ATL2: variants seen among roughly 807,000 people sequenced by gnomAD.
ATL2 encodes atlastin GTPase 2, also known as atlastin-2.
Under a neutral mutation model 73.9 loss-of-function variants are expected in ATL2, and 31 were observed. The observed-to-expected ratio is 0.42, with a 90% CI of 0.32 to 0.57. ATL2 has a LOEUF of 0.57. Among genes scored for constraint, ATL2 ranks in the 20% least tolerant of loss-of-function variants. ATL2 has a pLI of 0.14. For missense variants in ATL2, 738 were observed against 702.6 expected, an observed-to-expected ratio of 1.05 and a Z score of -0.57; for synonymous variants, 291 against 237.5, an observed-to-expected ratio of 1.23 and a Z score of -2.07.
In ATL2 at chr2:38,296,092, T is replaced by C. The variant is rs763055120; in HGVS notation, c.1654A>G (p.Asn552Asp). Residue 552 changes from asparagine to aspartate, a missense_variant, in exon 13 of 13, where the codon AAT becomes GAT. Transcript: ENST00000378954. ...WEQVLKPLGD[N>D]LMEENIRQSV... Reference sequence around the variant, plus strand: ...TGCCTTATGTTTTCCTCCATCAAATTATCACCCAGGGGCTTCAATACCTGT... The same window carrying C: ...TGCCTTATGTTTTCCTCCATCAAATCATCACCCAGGGGCTTCAATACCTGT... 7 of 1,551,344 alleles carry C rather than the reference T, an allele frequency of 4.5e-6. No homozygotes were observed. Among genetic ancestry groups the C allele is most frequent in the Non-Finnish European group, 4.4e-6 (5 of 1,146,752 alleles).
At chr2:38,365,479 A>AC (rs1472522324) in intron 1 of ATL2, among the ~76,000 whole-genome samples, 2 of 152,048 alleles carry the variant, frequency 1.3e-5, no homozygotes, top group Non-Finnish European at 2.9e-5. Context: ...ACATGGTGAA[A>AC]CCCTGTCTCT....
chr2:38,306,473 C>T (rs1466389347), intron 9 of ATL2, among the ~76,000 whole-genome samples: 1 of 152,242 alleles, frequency 6.6e-6, no homozygotes, highest in Admixed American at 6.5e-5. Context: ...AACACTGTTG[C>T]AAAAATCCTC....
chr2:38,359,424 G>A (rs1482820102), intron 1 of ATL2: 1 of 142,878 alleles, frequency 7.0e-6, no homozygotes, highest in Non-Finnish European at 1.5e-5. Flanking sequence ...GTTGCAGTGA[G>A]ACAAGATCCC....
At chr2:38,301,982 T>G (rs924803374) in intron 9 of ATL2, among the ~76,000 whole-genome samples, 1 of 152,284 alleles carries the variant, frequency 6.6e-6, no homozygotes, top group Non-Finnish European at 1.5e-5. Context: ...GTCTTGCAAT[T>G]TGGATACCAG....
At chr2:38,376,276 ATACACTG>A (rs1671960006) in intron 1 of ATL2, 2 of 1,369,196 alleles carry the variant, frequency 1.5e-6, no homozygotes, top group African/African-American at 2.9e-5. Context: ...AGTGAGAGGG[ATACACTG>A]CGCTGCCAAC....
At chr2:38,355,531 G>C (rs1273497893) in intron 1 of ATL2, among the ~76,000 whole-genome samples, 1 of 152,096 alleles carries the variant, frequency 6.6e-6, no homozygotes, top group East Asian at 1.9e-4. Flanking sequence ...GAAAGCTAAA[G>C]TAGCTACATA....
At chr2:38,372,503 G>A (rs1422772230) in intron 1 of ATL2, among the ~76,000 whole-genome samples, 1 of 152,076 alleles carries the variant, frequency 6.6e-6, no homozygotes, top group East Asian at 1.9e-4. Context: ...ATTTCCCATG[G>A]ATACCAAGGG....
intron 3 of ATL2, 113 bp downstream of exon 3, chr2:38,318,771 TA>T: frequency 1.7e-5 from 23 of 1,349,498 alleles, no homozygotes; most frequent in Non-Finnish European, 2.3e-5. Flanking sequence ...TTTGACATAA[TA>T]ATCCGTATGT....
At chr2:38,316,314 C>T (rs931713177) in intron 4 of ATL2, among the ~76,000 whole-genome samples, 1 of 152,260 alleles carries the variant, frequency 6.6e-6, no homozygotes, top group Middle Eastern at 3.4e-3. Flanking sequence ...TTAACATAAA[C>T]CCTGACACCA....
chr2:38,299,724 C>A (rs756952761), intron 10 of ATL2, among the ~76,000 whole-genome samples: 1 of 152,056 alleles, frequency 6.6e-6, no homozygotes, highest in Non-Finnish European at 1.5e-5. Flanking sequence ...CCTTACTGCA[C>A]GAAGTTTTAT....
At chr2:38,296,160 A>G (rs1486420400) in intron 12 of ATL2, 47 bp from the exon 13 acceptor site, 2 of 1,506,868 alleles carry the variant, frequency 1.3e-6, no homozygotes, top group African/African-American at 1.4e-5. Flanking sequence ...TGAGGTAAAA[A>G]AAGAGTTACA....
intron 1 of ATL2, among the ~76,000 whole-genome samples, chr2:38,368,275 G>A (rs370199248): frequency 1.4e-5 from 2 of 142,488 alleles, no homozygotes; most frequent in Admixed American, 7.3e-5. Context: ...AATTTGAGAC[G>A]GAGTTTCACT....
chr2:38,349,817 G>A (rs566472504), intron 1 of ATL2, among the ~76,000 whole-genome samples: 1 of 152,224 alleles, frequency 6.6e-6, no homozygotes, highest in African/African-American at 2.4e-5. Flanking sequence ...CAAATAGACA[G>A]AATGTGTCTA....
chr2:38,317,306 A>G (rs1374951820), intron 4 of ATL2, among the ~76,000 whole-genome samples: 2 of 152,170 alleles, frequency 1.3e-5, no homozygotes, highest in Admixed American at 6.5e-5. Flanking sequence ...TAACCGCCAT[A>G]CTTCAATAAT....
intron 7 of ATL2, among the ~76,000 whole-genome samples, chr2:38,312,435 G>A (rs1042920266): frequency 5.3e-5 from 8 of 151,946 alleles, no homozygotes; most frequent in African/African-American, 9.7e-5. Context: ...TGCTGGCTGG[G>A]TGCGGTGGCT....
At chr2:38,314,121 G>A (rs1286442393) in intron 6 of ATL2, among the ~76,000 whole-genome samples, 2 of 152,126 alleles carry the variant, frequency 1.3e-5, no homozygotes, top group African/African-American at 4.8e-5. Context: ...CTCTCCTACT[G>A]TAACTGCAGC....
At chr2:38,300,364 A>T (rs1573423460) in intron 9 of ATL2, 36 bp from the exon 10 acceptor site, 1 of 1,504,758 alleles carries the variant, frequency 6.6e-7, no homozygotes, top group Non-Finnish European at 9.2e-7. Flanking sequence ...CTGACGGATT[A>T]TGCAATTTGG....
At chr2:38,315,392 T>A in intron 4 of ATL2, 58 bp from the exon 5 acceptor site, 1 of 1,465,840 alleles carries the variant, frequency 6.8e-7, no homozygotes, top group Non-Finnish European at 9.0e-7. Context: ...ATACCCAGCT[T>A]CTGTATAACT....
chr2:38,347,461 G>A (rs935221481), intron 1 of ATL2, among the ~76,000 whole-genome samples: 2 of 152,116 alleles, frequency 1.3e-5, no homozygotes, highest in Non-Finnish European at 2.9e-5. Flanking sequence ...TCCTCAGCAT[G>A]GCCCTCCCTG....
Sources: allele counts gnomAD v4.1 joint callset (sites outside exome capture counted in the v4.1 genomes callset), GRCh38; gene constraint gnomAD v4.1.1; transcripts MANE v1.5; gene names NCBI Gene and HGNC (gene_info 2026-07-23, HGNC 2026-07-21).